OSMR: variants seen among roughly 807,000 people sequenced by gnomAD.
The protein encoded by OSMR is oncostatin-M-specific receptor subunit beta.
A neutral mutation model predicts 99.9 loss-of-function variants in OSMR; 81 were observed. That is an observed-to-expected ratio of 0.81 (90% CI 0.68 to 0.97). The LOEUF is 0.97. OSMR is among the 50% of genes least tolerant of loss of function. The pLI, the probability that OSMR is intolerant of heterozygous loss-of-function variation, is 0.00. For missense variants in OSMR, 1,099 were observed against 1,153.4 expected, an observed-to-expected ratio of 0.95 and a Z score of 0.68; for synonymous variants, 406 against 410.4, an observed-to-expected ratio of 0.99 and a Z score of 0.13.
intron 7 of OSMR, among the ~76,000 whole-genome samples, chr5:38,902,742 G>A (rs553407515): frequency 6.6e-6 from 1 of 152,234 alleles, no homozygotes; most frequent in South Asian, 2.1e-4. Context: ...CTTGAGTCAC[G>A]TTCTCTGTGA....
rs552304543 is a variant in OSMR at position 38,847,765 on chromosome 5, G to A, written c.-14+1378G>A. Among the ~76,000 whole-genome samples the A allele has an allele frequency of 1.3e-3, 196 of 152,320 alleles. 2 individuals carry two copies. The highest frequency in any genetic ancestry group is 0.01 in the Middle Eastern group (3 of 294). ...TTGTAGGAAGAGCTAGTTCTCTGCT[G>A]TAAATTGCCTCCTTGTGACTTACAT... On this transcript the variant is annotated intron_variant, in intron 1 of 17. Transcript: ENST00000274276.
rs1222229526 is a variant in OSMR at position 38,904,336 on chromosome 5, C to T, written c.1135-17C>T. 9.3e-6 allele frequency: 15 copies of T among 1,612,524 alleles called. No individual in the cohort carries two copies. Among genetic ancestry groups the T allele is most frequent in the African/African-American group, 1.3e-5 (1 of 74,848 alleles). On this transcript the variant is annotated splice_polypyrimidine_tract_variant and intron_variant, in intron 8 of 17. Coordinates refer to ENST00000274276, the MANE Select transcript of OSMR (RefSeq NM_003999.3). ...TCTTTTCTCTTTTTTCTTTTCTTCTCTTTTTTGATCAAGCAGTACAATGTT... is the reference window on the plus strand; with the variant it reads ...TCTTTTCTCTTTTTTCTTTTCTTCTTTTTTTTGATCAAGCAGTACAATGTT...
chr5:38,904,624 G>A (rs955769762), intron 9 of OSMR, 121 bp downstream of exon 9: 3 of 1,244,702 alleles, frequency 2.4e-6, no homozygotes, highest in East Asian at 2.5e-5. Context: ...AGGCGGGGTA[G>A]CATTTAAAAA....
intron 2 of OSMR, among the ~76,000 whole-genome samples, chr5:38,874,454 T>G (rs981389764): frequency 6.6e-6 from 1 of 152,212 alleles, no homozygotes; most frequent in African/African-American, 2.4e-5. Context: ...TAGAATGAGT[T>G]TTCTGAGGTG....
downstream of OSMR, chr5:38,938,497 G>T: frequency 4.3e-6 from 1 of 232,084 alleles, no homozygotes. Context: ...TTATATTTTT[G>T]AAATTAAATA....
chr5:38,922,360 G>A (rs1198118531), intron 12 of OSMR, among the ~76,000 whole-genome samples: 2 of 152,154 alleles, frequency 1.3e-5, no homozygotes, highest in Admixed American at 1.3e-4. Context: ...GGTGATCAAG[G>A]TTCTGCCAAT....
At chr5:38,906,344 G>A (rs1348679604) in intron 9 of OSMR, among the ~76,000 whole-genome samples, 2 of 152,016 alleles carry the variant, frequency 1.3e-5, no homozygotes, top group Non-Finnish European at 2.9e-5. Context: ...TGAACCTATA[G>A]GAATTTTTTA....
At chr5:38,882,122 G>A (rs1274929579) in intron 4 of OSMR, among the ~76,000 whole-genome samples, 2 of 152,228 alleles carry the variant, frequency 1.3e-5, no homozygotes, top group Admixed American at 6.5e-5. Flanking sequence ...CTAGAGTAGA[G>A]GTTGGGAACA....
rs936737077 is a variant in OSMR at position 38,886,334 on chromosome 5, C to T, written c.991+144C>T. 1.9e-5 allele frequency: 28 copies of T among 1,497,778 alleles called. No homozygotes were observed. The African/African-American group carries it at 2.4e-4, about 13-fold the overall frequency. The allele number at this position is 1,497,778 out of a possible 1,614,324, so 92.8% of individuals were successfully genotyped here. On this transcript the variant is annotated intron_variant, in intron 7 of 17. Coordinates refer to ENST00000274276, the MANE Select transcript of OSMR (RefSeq NM_003999.3). ...GAATTTATACCTATTGTTCATGCCACGTTTCTCCTCATGGATGCACGCATC... is the reference window on the plus strand; with the variant it reads ...GAATTTATACCTATTGTTCATGCCATGTTTCTCCTCATGGATGCACGCATC...
intron 9 of OSMR, among the ~76,000 whole-genome samples, chr5:38,907,273 C>G (rs1017372903): frequency 2.6e-5 from 4 of 152,180 alleles, no homozygotes; most frequent in African/African-American, 7.2e-5. Flanking sequence ...GTTGAACAGG[C>G]GGCCTGCCCC....
chr5:38,881,428 C>T (rs1029447186), intron 3 of OSMR, 165 bp from the exon 4 acceptor site: 4 of 974,058 alleles, frequency 4.1e-6, no homozygotes, highest in East Asian at 1.1e-4. Context: ...GGCTCCCATG[C>T]GAGGCATCAG....
chr5:38,893,395 G>A (rs760201264), intron 7 of OSMR, among the ~76,000 whole-genome samples: 6 of 152,166 alleles, frequency 3.9e-5, no homozygotes, highest in Admixed American at 3.9e-4. Flanking sequence ...AAGGAGGCTC[G>A]AAGAGATCCA....
intron 15 of OSMR, among the ~76,000 whole-genome samples, chr5:38,930,537 A>T (rs1746673855): frequency 1.3e-5 from 2 of 152,218 alleles, no homozygotes; most frequent in South Asian, 4.1e-4. Flanking sequence ...TGTAGATGTG[A>T]ATAACTTAAC....
chr5:38,918,444 G>A (rs906884032), intron 10 of OSMR, among the ~76,000 whole-genome samples: 3 of 152,156 alleles, frequency 2.0e-5, no homozygotes, highest in Non-Finnish European at 4.4e-5. Context: ...ATGGCTGGAG[G>A]TGGAATGAGG....
At chr5:38,874,211 A>T (rs1212703613) in intron 2 of OSMR, among the ~76,000 whole-genome samples, 2 of 151,922 alleles carry the variant, frequency 1.3e-5, no homozygotes, top group Non-Finnish European at 2.9e-5. Context: ...TGATGCACAA[A>T]CTTGTTTATT....
At chr5:38,927,250 T>C (rs1579808757) in intron 15 of OSMR, among the ~76,000 whole-genome samples, 1 of 152,182 alleles carries the variant, frequency 6.6e-6, no homozygotes. Flanking sequence ...TAGAGGATGG[T>C]GGCCCTCTTC....
chr5:38,941,388 T>C (rs878992591), intron 1 of OSMR: 4 of 231,966 alleles, frequency 1.7e-5, no homozygotes, highest in Non-Finnish European at 2.6e-5. Context: ...AGCAAACTTA[T>C]CTTTTCCTCA....
In OSMR at chr5:38,869,122, G is replaced by T. The variant is rs748731302; in HGVS notation, c.73+5G>T. On this transcript the variant is annotated splice_donor_5th_base_variant and intron_variant, in intron 2 of 17. Coordinates refer to ENST00000274276, the MANE Select transcript of OSMR (RefSeq NM_003999.3). ...TGAGGACTTACCAGAGTGAAGGTAA[G>T]AAGTGGAAGGAACAGTAAAGACAAA... The T allele has an allele frequency of 1.1e-5, 17 of 1,596,986 alleles. No individual in the cohort carries two copies. The highest frequency in any genetic ancestry group is 1.4e-5 in the Non-Finnish European group (16 of 1,164,558).
intron 7 of OSMR, among the ~76,000 whole-genome samples, chr5:38,889,634 C>T (rs1372094596): frequency 2.6e-5 from 4 of 152,052 alleles, no homozygotes; most frequent in Non-Finnish European, 5.9e-5. Flanking sequence ...ATATTCATTT[C>T]TGCTGTATCT....
Sources: allele counts gnomAD v4.1 joint callset (sites outside exome capture counted in the v4.1 genomes callset), GRCh38; gene constraint gnomAD v4.1.1; transcripts MANE v1.5; gene names NCBI Gene and HGNC (gene_info 2026-07-23, HGNC 2026-07-21).